Variants in PSMC5 observed in about 807,000 individuals in gnomAD.
The protein encoded by PSMC5 is 26S proteasome regulatory subunit 8.
In PSMC5, 11 loss-of-function variants were observed where a neutral mutation model predicts 49.1. The observed-to-expected ratio is 0.22, with a 90% CI of 0.14 to 0.37. The LOEUF (loss-of-function observed/expected upper bound fraction) is 0.37, where lower values mean the gene tolerates loss of function less well. Ranked by LOEUF, PSMC5 falls within the 10% of genes least tolerant of loss-of-function variation. PSMC5 has a pLI of 1.00. For synonymous variants in PSMC5, 206 were observed against 192.2 expected (o/e 1.07, Z -0.59); for missense variants, 229 against 520.9 (o/e 0.44, Z 5.45).
rs1283420152 is a variant in PSMC5 at position 63,829,967 on chromosome 17, C to A, written c.264+18C>A. 2 of 1,598,556 alleles carry A rather than the reference C, an allele frequency of 1.3e-6. No individual in the cohort carries two copies. The highest frequency in any genetic ancestry group is 1.7e-6 in the Non-Finnish European group (2 of 1,171,874). The stretch of plus-strand genomic sequence containing the variant: ...TGGTCAAGGTAAAAGCAGCATGACC[C>A]CAGGGACCAGCTCGGTCTCCACTGC... On this transcript the variant is annotated intron_variant, in intron 4 of 11. Coordinates refer to ENST00000310144, the MANE Select transcript of PSMC5 (RefSeq NM_002805.6).
At chr17:63,827,875 C>T in intron 1 of PSMC5, 1 of 1,428,896 alleles carries the variant, frequency 7.0e-7, no homozygotes, top group Non-Finnish European at 9.1e-7. Flanking sequence ...TGCAAAGCGC[C>T]CCCCGTCTAT....
At chr17:63,829,393 C>A in intron 2 of PSMC5, 101 bp from the exon 3 acceptor site, 1 of 1,043,356 alleles carries the variant, frequency 9.6e-7, no homozygotes, top group Admixed American at 2.0e-5. Flanking sequence ...TGCCCTGTGC[C>A]CTTCCCTCAG....
intron 2 of PSMC5, 150 bp downstream of exon 2, chr17:63,828,359 A>G (rs866747673): frequency 2.8e-6 from 2 of 709,868 alleles, no homozygotes; most frequent in African/African-American, 3.6e-5. Context: ...GGGTGTATGT[A>G]TCAGAAGTAA....
intron 2 of PSMC5, chr17:63,829,104 A>G (rs1290580482): frequency 5.3e-6 from 1 of 189,362 alleles, no homozygotes; most frequent in Non-Finnish European, 1.1e-5. Flanking sequence ...ATTTTTAAAA[A>G]TAGATTGTCT....
rs1248637412 is a variant in PSMC5 at position 63,829,598 on chromosome 17, A to G, written c.166+35A>G. The G allele has an allele frequency of 2.6e-6, 4 of 1,545,250 alleles. No homozygotes were observed. In the South Asian group the frequency reaches 3.6e-5, roughly 14 times the overall value. ...GAAAGATGGGAAGCCGCATGTGGGC[A>G]GTTTGTCTGAGGTCTGTCCTTATCT... On this transcript the variant is annotated intron_variant, in intron 3 of 11. Transcript: ENST00000310144.
chr17:63,827,646 C>T (rs1475083458), intron 1 of PSMC5, 132 bp downstream of exon 1: 3 of 1,512,694 alleles, frequency 2.0e-6, no homozygotes, highest in African/African-American at 1.4e-5. Flanking sequence ...ATGCTGGACG[C>T]TGCCTGCGAC....
Position 63,829,503 on chromosome 17 carries a change from A to C in PSMC5, c.106A>C (p.Asn36His). ...CTCTTGTCTGCCACAGCTGATTGTGAATGATAAGAGCCAAAACCTCCGGAG... is the reference window on the plus strand; with the variant it reads ...CTCTTGTCTGCCACAGCTGATTGTGCATGATAAGAGCCAAAACCTCCGGAG... ...SKIEELQLIV[N>H]DKSQNLRRLQ... The change falls in exon 3 of 12, where the codon AAT becomes CAT. Residue 36 changes from asparagine (N) to histidine (H), a missense_variant. Asn to His is a moderately conservative substitution (Grantham distance 68, BLOSUM62 1). Transcript: ENST00000310144. 1 of 1,554,464 alleles carries C rather than the reference A, an allele frequency of 6.4e-7. No individual in the cohort carries two copies. The highest frequency in any genetic ancestry group is 8.7e-7 in the Non-Finnish European group (1 of 1,148,454).
chr17:63,827,581 G>C, intron 1 of PSMC5, 67 bp downstream of exon 1: 1 of 1,551,230 alleles, frequency 6.4e-7, no homozygotes, highest in Non-Finnish European at 8.7e-7. Flanking sequence ...TGATCTGAGT[G>C]GAGAGCGGGC....
Position 63,829,918 on chromosome 17 carries a change from G to A in PSMC5, c.233G>A (p.Arg78Gln), listed in dbSNP as rs2040161723. 1.9e-6 allele frequency: 3 copies of A among 1,612,632 alleles called. No individual in the cohort carries two copies. The highest frequency in any genetic ancestry group is 2.5e-6 in the Non-Finnish European group (3 of 1,179,416). ...EQGSYVGEVV[R>Q]AMDKKKVLVK... ...GGCTCCTATGTGGGGGAAGTAGTCCGGGCCATGGATAAGAAGAAAGTGTTG... is the reference window on the plus strand; with the variant it reads ...GGCTCCTATGTGGGGGAAGTAGTCCAGGCCATGGATAAGAAGAAAGTGTTG... The change falls in exon 4 of 12, where the codon CGG becomes CAG. Residue 78 changes from arginine (R) to glutamine (Q), a missense_variant. Coordinates refer to ENST00000310144, the MANE Select transcript of PSMC5 (RefSeq NM_002805.6).
rs762192600 is a variant in PSMC5, at chr17:63,831,989, ATC to A, written c.*25_*26del. 1 of 1,609,432 alleles carries A rather than the reference ATC, an allele frequency of 6.2e-7. No individual in the cohort carries two copies. Among genetic ancestry groups the A allele is most frequent in the Non-Finnish European group, 8.5e-7 (1 of 1,175,698 alleles). ...AAGTGAGTGGACAGCCTTTGTGTGTATCTCTCCAATAAAGCTCTGTGGGCCAA... is the reference window on the plus strand; with the variant it reads ...AAGTGAGTGGACAGCCTTTGTGTGTATCTCCAATAAAGCTCTGTGGGCCAA... On this transcript the variant is annotated 3_prime_UTR_variant, in exon 12 of 12. Transcript: ENST00000310144. The surrounding 1 kb of genome is among the most constrained non-coding windows in gnomAD (Gnocchi z 6.3).
At position 63,829,664 on chromosome 17, in the gene PSMC5, CCT is replaced by C. The variant is rs1207869163; in HGVS notation, c.166+102_166+103del. 1.2e-5 allele frequency: 16 copies of C among 1,308,014 alleles called. No individual in the cohort carries two copies. In the East Asian group the frequency reaches 1.5e-4, roughly 12 times the overall value. 81.0% of individuals were successfully genotyped at this position (1,308,014 alleles called of 1,614,324 possible). On this transcript the variant is annotated intron_variant, in intron 3 of 11. Coordinates refer to ENST00000310144, the MANE Select transcript of PSMC5 (RefSeq NM_002805.6). ...TCACAGCAGTGCTTACTGTTTTCTCCCTGTCATCATCTAGTAGTTTCACATGC... is the reference window on the plus strand; with the variant it reads ...TCACAGCAGTGCTTACTGTTTTCTCCGTCATCATCTAGTAGTTTCACATGC...
At chr17:63,828,813 C>T (rs1251626615) in intron 2 of PSMC5, 1 of 154,474 alleles carries the variant, frequency 6.5e-6, no homozygotes, top group East Asian at 1.9e-4. Flanking sequence ...GTTAGTGTTA[C>T]GTTATACTGT....
At chr17:63,829,733 T>C (rs1188339657) in intron 3 of PSMC5, 119 bp from the exon 4 acceptor site, 22 of 1,279,404 alleles carry the variant, frequency 1.7e-5, no homozygotes, top group Non-Finnish European at 2.4e-5. Context: ...CTTAAATACA[T>C]GAATTTTGAC....
rs1179694964 is a variant in PSMC5 at position 63,831,877 on chromosome 17, T to C, written c.1168-39T>C. On this transcript the variant is annotated intron_variant, in intron 11 of 11. Transcript: ENST00000310144. This position sits in a 1 kb window ranked among gnomAD's most constrained non-coding sequence, Gnocchi z 6.3. ...GGGGCAGTGGGCTAGGGCATGTGTG[T>C]GTTCGTAACTTAATGTTCATTCTCT... 2 of 1,612,722 alleles carry C rather than the reference T, an allele frequency of 1.2e-6. No individual in the cohort carries two copies. The highest frequency in any genetic ancestry group is 1.7e-6 in the Non-Finnish European group (2 of 1,178,856).
At chr17:63,827,805 C>T (rs546520536) in intron 1 of PSMC5, 544 of 1,429,074 alleles carry the variant, frequency 3.8e-4, no homozygotes, top group Middle Eastern at 2.6e-4. Context: ...TCCTTTGGCT[C>T]CGTTCCGCTG....
chr17:63,828,304 G>A, intron 2 of PSMC5, 95 bp downstream of exon 2: 1 of 1,238,368 alleles, frequency 8.1e-7, no homozygotes, highest in Non-Finnish European at 1.2e-6. Context: ...GAGTGCAGTG[G>A]AAGAAGCTGC....
At chr17:63,829,791 A>G (rs2040160019) in intron 3 of PSMC5, 61 bp from the exon 4 acceptor site, 2 of 1,536,522 alleles carry the variant, frequency 1.3e-6, no homozygotes, top group Non-Finnish European at 1.8e-6. Flanking sequence ...TGCACGTAGA[A>G]TTGGGTCCTG....
At position 63,829,962 on chromosome 17, in the gene PSMC5, T is replaced by C. The variant is rs570760174; in HGVS notation, c.264+13T>C. 7 of 1,603,016 alleles carry C rather than the reference T, an allele frequency of 4.4e-6. No homozygotes were observed. The Admixed American group carries it at 5.1e-5, about 12-fold the overall frequency. ...AGTGTTGGTCAAGGTAAAAGCAGCA[T>C]GACCCCAGGGACCAGCTCGGTCTCC... On this transcript the variant is annotated intron_variant, in intron 4 of 11. Transcript: ENST00000310144.
Position 63,830,220 on chromosome 17 carries a change from G to C in PSMC5, c.321+31G>C. 2 of 1,614,018 alleles carry C rather than the reference G, an allele frequency of 1.2e-6. No individual in the cohort carries two copies. ...TGTAGCAGGTGAGGTGGTGGTGGTG[G>C]TGGGGTCAGCTCTTACTGTACCACT... On this transcript the variant is annotated intron_variant, in intron 5 of 11. Transcript: ENST00000310144. The surrounding 1 kb of genome is among the most constrained non-coding windows in gnomAD (Gnocchi z 4.0).
Sources: allele counts gnomAD v4.1 joint callset, GRCh38; gene constraint gnomAD v4.1.1; non-coding constraint Gnocchi (gnomAD v3.1); transcripts MANE v1.5; gene names NCBI Gene and HGNC (gene_info 2026-07-23, HGNC 2026-07-21).